Variants in TTC38 observed in about 807,000 individuals in gnomAD.
The protein encoded by TTC38 is tetratricopeptide repeat protein 38.
A neutral mutation model predicts 64.2 loss-of-function variants in TTC38; 64 were observed. That is an observed-to-expected ratio of 1.00 (90% CI 0.81 to 1.23). TTC38 has a LOEUF of 1.23. TTC38 is among the 50% of genes most tolerant of loss of function. The pLI is 0.00. For synonymous variants in TTC38, 254 were observed against 249.3 expected, an observed-to-expected ratio of 1.02 and a Z score of -0.18; for missense variants, 573 against 615.5, an observed-to-expected ratio of 0.93 and a Z score of 0.73.
Position 46,275,096 on chromosome 22 carries a change from C to T in TTC38, c.366-152C>T, listed in dbSNP as rs1936978362. 1 of 693,536 alleles carries T rather than the reference C, an allele frequency of 1.4e-6. No individual in the cohort carries two copies. The highest frequency in any genetic ancestry group is 2.3e-6 in the Non-Finnish European group (1 of 431,158). The allele number at this position is 693,536 out of a possible 1,614,324, so 43.0% of individuals were successfully genotyped here. A position where few individuals can be genotyped will look rare whatever the true frequency, so the allele number is the denominator to read the frequency against. ...TTGGTCTCCCAAAGTGCTGGGATTA[C>T]AGGCATAAGCCACCGCACCCAGTCA... On this transcript the variant is annotated intron_variant, in intron 4 of 13. Transcript: ENST00000381031. This position sits in a 1 kb window ranked among gnomAD's most constrained non-coding sequence, Gnocchi z 4.5.
At position 46,270,282 on chromosome 22, in the gene TTC38, G is replaced by A. The variant is rs910832581; in HGVS notation, c.111+1691G>A. ...GCGTAGCTTATAGTCTCAGCTATTT[G>A]GGAGGCTGAGGCAGGGGGATTGCTT... On this transcript the variant is annotated intron_variant, in intron 2 of 13. Transcript: ENST00000381031. This position sits in a 1 kb window ranked among gnomAD's most constrained non-coding sequence, Gnocchi z 4.7. 1.3e-5 allele frequency among the ~76,000 whole-genome samples: 2 copies of A among 152,176 alleles called. No homozygotes were observed. Among genetic ancestry groups the A allele is most frequent in the Non-Finnish European group, 2.9e-5 (2 of 68,048 alleles).
At chr22:46,290,229 T>C (rs2147802779) in intron 13 of TTC38, among the ~76,000 whole-genome samples, 1 of 152,296 alleles carries the variant, frequency 6.6e-6, no homozygotes, top group East Asian at 1.9e-4. Flanking sequence ...TTTTTGCACC[T>C]GGCCGACACC....
In TTC38 at chr22:46,272,199, C is replaced by G; in HGVS notation, c.112-136C>G. 1.6e-6 allele frequency: 1 copy of G among 621,960 alleles called. No homozygotes were observed. The highest frequency in any genetic ancestry group is 1.8e-5 in the South Asian group (1 of 56,248). The allele number at this position is 621,960 out of a possible 1,614,324, so 38.5% of individuals were successfully genotyped here. A position where few individuals can be genotyped will look rare whatever the true frequency, so the allele number is the denominator to read the frequency against. On this transcript the variant is annotated intron_variant, in intron 2 of 13. Transcript: ENST00000381031. This position sits in a 1 kb window ranked among gnomAD's most constrained non-coding sequence, Gnocchi z 6.4. Reference sequence around the variant, plus strand: ...AGAGATGGGGTTTTACCGTGTTGGTCAGGCTGGTCTCGAACTCCTGACCTC... The same window carrying G: ...AGAGATGGGGTTTTACCGTGTTGGTGAGGCTGGTCTCGAACTCCTGACCTC...
At chr22:46,287,264 C>A in intron 10 of TTC38, 110 bp downstream of exon 10, 1 of 905,292 alleles carries the variant, frequency 1.1e-6, no homozygotes, top group Non-Finnish European at 1.7e-6. Flanking sequence ...GTGAGCCGCT[C>A]CAGACCCCTC....
At chr22:46,269,715 C>T (rs948144605) in intron 2 of TTC38, among the ~76,000 whole-genome samples, 1 of 152,208 alleles carries the variant, frequency 6.6e-6, no homozygotes, top group Non-Finnish European at 1.5e-5. Flanking sequence ...CTGCTGTGGG[C>T]ATCTGAGTTG....
At position 46,288,493 on chromosome 22, in the gene TTC38, G is replaced by A. The variant is rs746678225; in HGVS notation, c.987G>A (p.Leu329=). 8.1e-6 allele frequency: 13 copies of A among 1,614,066 alleles called. No individual in the cohort carries two copies. In the South Asian group the frequency reaches 1.2e-4, roughly 15 times the overall value. The change falls in exon 11 of 14, where the codon CTG becomes CTA. Residue 329 remains leucine, a synonymous_variant. Transcript: ENST00000381031. The part of the protein sequence containing the change: ...VARKHSRDHI[L]LFNDAHFLMA... ...GGAAGCACAGCCGAGACCACATCCT[G>A]CTGTTCAATGACGCACACTTCCTGA... is the stretch of plus-strand genomic sequence containing the variant.
In TTC38 at chr22:46,274,057, C is replaced by G; in HGVS notation, c.353C>G (p.Thr118Arg). Residue 118 changes from threonine to arginine, a missense_variant, in exon 4 of 14, where the codon ACA becomes AGA. Coordinates refer to ENST00000381031, the MANE Select transcript of TTC38 (RefSeq NM_017931.4). The surrounding 1 kb of genome is among the most constrained non-coding windows in gnomAD (Gnocchi z 4.8). ...CAGCTGCACGTGTCTGCAGTAGAGA[C>G]ATTTGCCAATGGGTGAGGGGCCTCC... is the stretch of plus-strand genomic sequence containing the variant. ...REQLHVSAVETFANGNFPKAC... is the reference protein window; with the variant it reads ...REQLHVSAVERFANGNFPKAC... The G allele has an allele frequency of 6.2e-7, 1 of 1,612,620 alleles. No individual in the cohort carries two copies. The highest frequency in any genetic ancestry group is 8.5e-7 in the Non-Finnish European group (1 of 1,179,210).
In TTC38 at chr22:46,275,367, GA is replaced by G; in HGVS notation, c.486del (p.Asp163IlefsTer16). 6.2e-7 allele frequency: 1 copy of G among 1,614,128 alleles called. No individual in the cohort carries two copies. The highest frequency in any genetic ancestry group is 8.5e-7 in the Non-Finnish European group (1 of 1,180,002). On this transcript the variant is annotated frameshift_variant, in exon 5 of 14. Transcript: ENST00000381031. LOFTEE classifies it high-confidence loss of function. The surrounding 1 kb of genome is among the most constrained non-coding windows in gnomAD (Gnocchi z 4.5). ...TACCTGGGCTATCAGGAACAGATGAGAGATTCTGTTGCTCGAATTTACCCCT... is the reference window on the plus strand; with the variant it reads ...TACCTGGGCTATCAGGAACAGATGAGGATTCTGTTGCTCGAATTTACCCCT... ...YFYLGYQEQMRDSVARIYPFW... is the reference protein window; with the variant it reads ...YFYLGYQEQMXDSVARIYPFW...
At chr22:46,286,663 A>C (rs1379709656) in intron 9 of TTC38, among the ~76,000 whole-genome samples, 1 of 145,712 alleles carries the variant, frequency 6.9e-6, no homozygotes, top group South Asian at 2.1e-4. Context: ...CCCTATCTCA[A>C]AAAAAAAAAA....
chr22:46,279,552 T>C (rs538254305), intron 6 of TTC38, among the ~76,000 whole-genome samples: 1 of 152,334 alleles, frequency 6.6e-6, no homozygotes, highest in South Asian at 2.1e-4. Context: ...AGGCCCTGCC[T>C]CCCAACATCC....
chr22:46,281,860 G>A lies in TTC38; in HGVS notation c.735+142G>A. 2.7e-6 allele frequency: 3 copies of A among 1,126,946 alleles called. No homozygotes were observed. The highest frequency in any genetic ancestry group is 3.9e-6 in the Non-Finnish European group (3 of 768,706). The allele number at this position is 1,126,946 out of a possible 1,614,324, so 69.8% of individuals were successfully genotyped here. A position where few individuals can be genotyped will look rare whatever the true frequency, so the allele number is the denominator to read the frequency against. ...CCTCCTCCACCTGCACCTGCCTCAGGTGTTTGGCTGCTGAGCAGAATGCAA... is the reference window on the plus strand; with the variant it reads ...CCTCCTCCACCTGCACCTGCCTCAGATGTTTGGCTGCTGAGCAGAATGCAA... On this transcript the variant is annotated intron_variant, in intron 7 of 13. Transcript: ENST00000381031. The surrounding 1 kb of genome is among the most constrained non-coding windows in gnomAD (Gnocchi z 5.2).
At chr22:46,289,600 G>T in intron 12 of TTC38, 39 bp downstream of exon 12, 1 of 1,553,990 alleles carries the variant, frequency 6.4e-7, no homozygotes. Flanking sequence ...CTAGGGCCTG[G>T]GCCAGGGAGT....
intron 6 of TTC38, among the ~76,000 whole-genome samples, chr22:46,279,648 C>T (rs957088082): frequency 6.6e-5 from 10 of 152,228 alleles, no homozygotes; most frequent in South Asian, 6.2e-4. Context: ...AGGGTCGCTG[C>T]GCTCTCTGAA....
At position 46,289,540 on chromosome 22, in the gene TTC38, G is replaced by T; in HGVS notation, c.1221G>T (p.Gln407His). ...TGCCCATCCGCTACCGGATCGTCCA[G>T]CTCGGTGGGAGCAATGCCCAGGTGA... is the stretch of plus-strand genomic sequence containing the variant. ...LLLPIRYRIV[Q>H]LGGSNAQRDV... Residue 407 changes from glutamine (Q) to histidine (H), a missense_variant, in exon 12 of 14, where the codon CAG becomes CAT. Gln to His is a conservative substitution (Grantham distance 24, BLOSUM62 0). Coordinates refer to ENST00000381031, the MANE Select transcript of TTC38 (RefSeq NM_017931.4). The T allele has an allele frequency of 6.3e-7, 1 of 1,596,114 alleles. No individual in the cohort carries two copies.
intron 9 of TTC38, among the ~76,000 whole-genome samples, chr22:46,286,592 C>T (rs144456661): frequency 6.8e-4 from 102 of 150,648 alleles, no homozygotes; most frequent in African/African-American, 2.3e-3. Flanking sequence ...ACCCAGGAGG[C>T]GGAGGTTGCA....
chr22:46,289,852 T>G lies in TTC38; in HGVS notation c.1269T>G (p.Ile423Met). The G allele has an allele frequency of 6.2e-7, 1 of 1,614,172 alleles. No homozygotes were observed. The highest frequency in any genetic ancestry group is 8.5e-7 in the Non-Finnish European group (1 of 1,180,022). Reference sequence around the variant, plus strand: ...GAGACGTCTTCAACCAGCTGCTGATTCACGCGGCCTTAAACTGCACCTCCA... The same window carrying G: ...GAGACGTCTTCAACCAGCTGCTGATGCACGCGGCCTTAAACTGCACCTCCA... ...AQRDVFNQLL[I>M]HAALNCTSSV... is the part of the protein sequence containing the mutation. Residue 423 changes from isoleucine (I) to methionine (M), a missense_variant, in exon 13 of 14, where the codon ATT (isoleucine) becomes ATG (methionine). Around this residue, in one of 3 missense-constraint regions of TTC38, gnomAD observed 371 missense variants for 381.8 expected, o/e 0.97. Transcript: ENST00000381031.
intron 6 of TTC38, chr22:46,280,159 T>C (rs935551577): frequency 1.5e-5 from 7 of 471,036 alleles, no homozygotes; most frequent in Non-Finnish European, 3.1e-5. Flanking sequence ...TGGTAACACA[T>C]GGGCTCTGTG....
At position 46,273,905 on chromosome 22, in the gene TTC38, C is replaced by T. The variant is rs372793030; in HGVS notation, c.201C>T (p.Gly67=). ...TCTCTAACCTCCCACCAGTGATGGG[C>T]CACGCCATGGCTACTGGCCTTGTGC... ...LKAADPTFVM[G]HAMATGLVLI... Residue 67 remains glycine (G), a synonymous_variant, in exon 4 of 14, where the codon GGC becomes GGT. Transcript: ENST00000381031. The surrounding 1 kb of genome is among the most constrained non-coding windows in gnomAD (Gnocchi z 5.1). 26 of 1,614,042 alleles carry T rather than the reference C, an allele frequency of 1.6e-5. No individual in the cohort carries two copies. The African/African-American group carries it at 3.1e-4, about 19-fold the overall frequency.
At position 46,269,088 on chromosome 22, in the gene TTC38, G is replaced by GCCC. The variant is rs58531030; in HGVS notation, c.111+505_111+507dup. 2.2e-3 allele frequency: 835 copies of GCCC among 376,610 alleles called. 5 individuals carry two copies. The highest frequency in any genetic ancestry group is 0.017 in the African/African-American group (739 of 44,622). 23.3% of individuals were successfully genotyped at this position (376,610 alleles called of 1,614,324 possible). ...CGTGGGAGGGTGGGGACATATCTCT[G>GCCC]CCCCCCCCCCACAGCGTCCTAAAAG... is the stretch of plus-strand genomic sequence containing the variant. On this transcript the variant is annotated intron_variant, in intron 2 of 13. Coordinates refer to ENST00000381031, the MANE Select transcript of TTC38 (RefSeq NM_017931.4).
Sources: gnomAD v4.1 joint callset for allele counts (sites outside exome capture counted in the v4.1 genomes callset) on GRCh38, gnomAD v4.1.1 for gene constraint, gnomAD v4.1.1 regional missense constraint, Gnocchi (gnomAD v3.1) non-coding constraint, MANE v1.5 for transcripts, NCBI Gene and HGNC (gene_info 2026-07-23, HGNC 2026-07-21) for gene names.